The following TSPAN7 variants were observed in gnomAD, a reference collection of about 807,000 sequenced individuals.
TSPAN7 encodes the protein tetraspanin-7.
A neutral mutation model predicts 17.6 loss-of-function variants in TSPAN7; 1 was observed. That is an observed-to-expected ratio of 0.06 (90% CI 0.02 to 0.27). TSPAN7 has a LOEUF of 0.27. Among genes scored for constraint, TSPAN7 ranks in the 10% least tolerant of loss-of-function variants. TSPAN7 has a pLI of 1.00. For synonymous variants in TSPAN7, 78 were observed against 79.0 expected (o/e 0.99, Z 0.07); for missense variants, 112 against 201.7 (o/e 0.56, Z 2.69).
intron 1 of TSPAN7, among the ~76,000 whole-genome samples, chrX:38,649,666 AG>A (rs1280194149): frequency 1.8e-5 from 2 of 111,515 alleles, no homozygotes; most frequent in African/African-American, 3.3e-5. Context: ...TTCAGGGCAA[AG>A]GGTTGTGCTG....
intron 3 of TSPAN7, among the ~76,000 whole-genome samples, chrX:38,671,898 A>G (rs1254497070): frequency 9.1e-6 from 1 of 110,368 alleles, no homozygotes; most frequent in Non-Finnish European, 1.9e-5. Flanking sequence ...AAAAAAATAA[A>G]TTAGCTGGGT....
chrX:38,609,632 A>G (rs915098025), intron 1 of TSPAN7, among the ~76,000 whole-genome samples: 3 of 107,777 alleles, frequency 2.8e-5, no homozygotes, highest in African/African-American at 6.7e-5. Context: ...GTGTGTGTGT[A>G]TATATATACA....
At chrX:38,583,057 A>G (rs1602087366) in intron 1 of TSPAN7, among the ~76,000 whole-genome samples, 1 of 112,196 alleles carries the variant, frequency 8.9e-6, no homozygotes, top group East Asian at 2.8e-4. Flanking sequence ...CATTCTGTTG[A>G]AATAGTTATT....
chrX:38,676,796 A>C (rs1054181922), intron 5 of TSPAN7, among the ~76,000 whole-genome samples: 4 of 112,181 alleles, frequency 3.6e-5, no homozygotes, highest in Non-Finnish European at 7.5e-5. Flanking sequence ...CTAAGTTAAA[A>C]GGACATCTGT....
chrX:38,600,496 T>G (rs966268655), intron 1 of TSPAN7, among the ~76,000 whole-genome samples: 1 of 111,764 alleles, frequency 8.9e-6, no homozygotes, highest in African/African-American at 3.2e-5. Flanking sequence ...CTGTTTCTTC[T>G]ATCAGCAAGG....
chrX:38,628,105 T>C (rs1262269875), intron 1 of TSPAN7, among the ~76,000 whole-genome samples: 1 of 112,992 alleles, frequency 8.9e-6, no homozygotes, highest in African/African-American at 3.2e-5. Flanking sequence ...TGTTTTCTCC[T>C]GAGCAATGTC....
intron 1 of TSPAN7, among the ~76,000 whole-genome samples, chrX:38,571,127 T>G (rs958133330): frequency 4.5e-5 from 5 of 111,616 alleles, no homozygotes; most frequent in African/African-American, 1.3e-4. Flanking sequence ...TTTTCTTTGG[T>G]GCTTTCTGCA....
chrX:38,635,769 T>C (rs1445977730), intron 1 of TSPAN7, among the ~76,000 whole-genome samples: 1 of 111,786 alleles, frequency 8.9e-6, no homozygotes, highest in Non-Finnish European at 1.9e-5. Context: ...AGAAATAACT[T>C]GTCCCAAGTT....
At chrX:38,655,160 A>G (rs2069695449) in intron 1 of TSPAN7, among the ~76,000 whole-genome samples, 1 of 111,168 alleles carries the variant, frequency 9.0e-6, no homozygotes, top group Non-Finnish European at 1.9e-5. Flanking sequence ...TATTGGACTT[A>G]GGTTTCAGCA....
intron 3 of TSPAN7, among the ~76,000 whole-genome samples, chrX:38,671,739 C>T (rs187484179): frequency 1.8e-5 from 2 of 111,596 alleles, no homozygotes; most frequent in African/African-American, 3.3e-5. Flanking sequence ...GGATTTCATA[C>T]TCCTTAAAAA....
intron 1 of TSPAN7, among the ~76,000 whole-genome samples, chrX:38,567,884 G>A (rs938077643): frequency 9.0e-6 from 1 of 111,499 alleles, no homozygotes; most frequent in Non-Finnish European, 1.9e-5. Flanking sequence ...GGTTAGAGTG[G>A]TCGTCAGTGA....
intron 2 of TSPAN7, among the ~76,000 whole-genome samples, 155 bp from the exon 3 acceptor site, chrX:38,671,221 A>C (rs1483019702): frequency 8.9e-6 from 1 of 112,277 alleles, no homozygotes; most frequent in African/African-American, 3.2e-5. Context: ...TATGTGGGTA[A>C]ATTTAGAGAC....
chrX:38,681,377 T>C, intron 6 of TSPAN7, 90 bp downstream of exon 6: 1 of 763,284 alleles, frequency 1.3e-6, no homozygotes, highest in Non-Finnish European at 2.0e-6. Context: ...TCCTGTGCTT[T>C]GGGAAAAGCT....
chrX:38,588,849 G>A (rs942752006), intron 1 of TSPAN7, among the ~76,000 whole-genome samples: 3 of 111,449 alleles, frequency 2.7e-5, no homozygotes, highest in African/African-American at 9.8e-5. Flanking sequence ...TTTTGAAATG[G>A]CCTTATTCTA....
intron 2 of TSPAN7, among the ~76,000 whole-genome samples, chrX:38,670,048 T>G (rs1251066632): frequency 4.5e-5 from 5 of 112,177 alleles, no homozygotes; most frequent in Non-Finnish European, 9.4e-5. Context: ...GAGAATTTTG[T>G]TAATATTTAG....
Position 38,561,579 on chromosome X carries a change from G to C in TSPAN7, c.33G>C (p.Val11=). The change falls in exon 1 of 8, where the codon GTG becomes GTC. Residue 11 remains valine, a synonymous_variant. Coordinates refer to ENST00000378482, the MANE Select transcript of TSPAN7 (RefSeq NM_004615.4). ...CGAGGAGAATGGAGACCAAACCTGT[G>C]ATAACCTGTCTCAAAACCCTCCTCA... is the stretch of plus-strand genomic sequence containing the variant. MASRRMETKP[V]ITCLKTLLII... is the part of the protein sequence containing the mutation. The C allele has an allele frequency of 8.3e-7, 1 of 1,206,432 alleles. No individual in the cohort carries two copies.
chrX:38,600,328 G>A (rs996011592), intron 1 of TSPAN7, among the ~76,000 whole-genome samples: 27 of 111,636 alleles, frequency 2.4e-4, no homozygotes, highest in Non-Finnish European at 4.2e-4. Flanking sequence ...CAGCTGGAAA[G>A]CCTAAACATA....
At position 38,684,722 on chromosome X, in the gene TSPAN7, T is replaced by C. The variant is rs1299382396; in HGVS notation, c.682-2877T>C. Among the ~76,000 whole-genome samples, 3 of 111,248 alleles carry C rather than the reference T, an allele frequency of 2.7e-5. No homozygotes were observed. In the East Asian group the frequency reaches 8.5e-4, roughly 31 times the overall value. On this transcript the variant is annotated intron_variant, in intron 6 of 7. Transcript: ENST00000378482. ...GGGCTTTGCTAGACTTGGAACCTGT[T>C]AGGCTGGATTAATTCCCCATATCAC...
intron 1 of TSPAN7, among the ~76,000 whole-genome samples, chrX:38,577,051 T>A (rs2069197710): frequency 1.8e-5 from 2 of 111,523 alleles, no homozygotes; most frequent in South Asian, 3.8e-4. Context: ...GAATGAAGAA[T>A]GGAGGACAGG....
Sources: gnomAD v4.1 joint callset for allele counts (sites outside exome capture counted in the v4.1 genomes callset) on GRCh38, gnomAD v4.1.1 for gene constraint, MANE v1.5 for transcripts, NCBI Gene and HGNC (gene_info 2026-07-23, HGNC 2026-07-21) for gene names.